The following ZNF705G variants were observed in gnomAD, a reference collection of about 807,000 sequenced individuals.
The protein encoded by ZNF705G is zinc finger protein 705G, also known as putative zinc finger protein 705G.
Under a neutral mutation model 19.6 loss-of-function variants are expected in ZNF705G, and 23 were observed. That is an observed-to-expected ratio of 1.17 (90% confidence interval 0.84 to 1.66). ZNF705G has a LOEUF of 1.66. Among genes scored for constraint, ZNF705G ranks in the 40% most tolerant of loss-of-function variants. The pLI, the probability that ZNF705G is intolerant of heterozygous loss-of-function variation, is 0.00. For synonymous variants in ZNF705G, 146 were observed against 117.7 expected (o/e 1.24, Z -1.56); for missense variants, 457 against 354.4 (o/e 1.29, Z -2.32).
chr8:7,363,378 G>A (rs1228995985), intron 2 of ZNF705G, among the ~76,000 whole-genome samples: 2 of 148,106 alleles, frequency 1.4e-5, no homozygotes, highest in African/African-American at 5.3e-5. Flanking sequence ...ATAAACACTG[G>A]GATTTCTCAG....
intron 2 of ZNF705G, among the ~76,000 whole-genome samples, chr8:7,364,819 A>T (rs1478030601): frequency 1.3e-5 from 2 of 149,584 alleles, no homozygotes; most frequent in African/African-American, 5.1e-5. Context: ...CCCTTCCATG[A>T]ATGTACCTGA....
chr8:7,384,843 C>T (rs1269379211), intron 1 of ZNF705G, among the ~76,000 whole-genome samples: 1 of 146,048 alleles, frequency 6.8e-6, no homozygotes, highest in Non-Finnish European at 1.5e-5. Context: ...TTCTTGAACA[C>T]CTATCACGTA....
At chr8:7,371,262 G>T (rs1807086322) in intron 2 of ZNF705G, among the ~76,000 whole-genome samples, 2 of 105,770 alleles carry the variant, frequency 1.9e-5, no homozygotes, top group Admixed American at 2.1e-4. Flanking sequence ...ATCTAAAATC[G>T]ACAAACTCAC....
intron 1 of ZNF705G, among the ~76,000 whole-genome samples, chr8:7,383,294 A>G (rs778002019): frequency 2.0e-5 from 3 of 147,686 alleles, no homozygotes; most frequent in Admixed American, 6.6e-5. Flanking sequence ...TAAACAGCAG[A>G]AAGTATACAC....
At chr8:7,364,915 T>C (rs1407601040) in intron 2 of ZNF705G, among the ~76,000 whole-genome samples, 1 of 149,494 alleles carries the variant, frequency 6.7e-6, no homozygotes, top group Non-Finnish European at 1.5e-5. Context: ...CTACAAAGCT[T>C]CAGTGAAACC....
In ZNF705G at chr8:7,369,481, C is replaced by G. The variant is rs546190106; in HGVS notation, c.-71-6464G>C. Among the ~76,000 whole-genome samples the G allele has an allele frequency of 2.0e-3, 297 of 149,630 alleles. 1 individual carries two copies. Among genetic ancestry groups the G allele is most frequent in the Middle Eastern group, 6.8e-3 (2 of 292 alleles). ...GAATGGTAGATCCACTGTCAGCTTG[C>G]ACCCTGAGCCTGGAAAAGCTGCAGG... On this transcript the variant is annotated intron_variant, in intron 2 of 6. Coordinates refer to ENST00000400156, the MANE Select transcript of ZNF705G (RefSeq NM_001164457.3).
In ZNF705G at chr8:7,360,266, C is replaced by T. The variant is rs760562097; in HGVS notation, c.206G>A (p.Gly69Glu). 6.3e-7 allele frequency: 1 copy of T among 1,592,182 alleles called. No homozygotes were observed. Among genetic ancestry groups the T allele is most frequent in the Non-Finnish European group, 8.5e-7 (1 of 1,179,174 alleles). Residue 69 changes from glycine (G) to glutamate (E), a missense_variant, in exon 5 of 7, where the codon GGA becomes GAA. Coordinates refer to ENST00000400156, the MANE Select transcript of ZNF705G (RefSeq NM_001164457.3). ...ATTCTGGTCTTGAAGAAATACTCTT[C>T]CTTCCCTCCACAGCTCTTTTCCTTG... ...LEQGKELWRE[G>E]RVFLQDQNPN...
At chr8:7,366,327 G>T (rs1228353966) in intron 2 of ZNF705G, among the ~76,000 whole-genome samples, 1 of 149,530 alleles carries the variant, frequency 6.7e-6, no homozygotes, top group Non-Finnish European at 1.5e-5. Flanking sequence ...GGTTTTATGT[G>T]TGAAAGCACC....
chr8:7,360,867 C>T (rs1193901607), intron 4 of ZNF705G, among the ~76,000 whole-genome samples: 7 of 149,174 alleles, frequency 4.7e-5, no homozygotes, highest in Admixed American at 2.6e-4. Context: ...AGACTGAGTA[C>T]CAAAGAAACC....
At chr8:7,381,070 C>T (rs529086966) in intron 2 of ZNF705G, among the ~76,000 whole-genome samples, 2,504 of 133,076 alleles carry the variant, frequency 0.019, 26 homozygotes, top group Middle Eastern at 0.026. Flanking sequence ...ACATCTTTGC[C>T]GTGATGTCTG....
At chr8:7,369,452 C>A (rs575121180) in intron 2 of ZNF705G, among the ~76,000 whole-genome samples, 1 of 149,376 alleles carries the variant, frequency 6.7e-6, no homozygotes, top group East Asian at 1.9e-4. Flanking sequence ...TCCTCCAGAC[C>A]CGAGAATGGT....
In ZNF705G at chr8:7,380,355, C is replaced by A. The variant is rs566100920; in HGVS notation, c.-72+1097G>T. ...GGGATCAACCCACACTGCTGTCTGT[C>A]ATTGGCACCTGTGCATGCCTTCTTG... On this transcript the variant is annotated intron_variant, in intron 2 of 6. Transcript: ENST00000400156. Among the ~76,000 whole-genome samples, 446 of 147,596 alleles carry A rather than the reference C, an allele frequency of 3.0e-3. 69 individuals carry two copies. The highest frequency in any genetic ancestry group is 0.012 in the African/African-American group (430 of 37,022).
Position 7,367,883 on chromosome 8 carries a change from G to T in ZNF705G, c.-71-4866C>A, listed in dbSNP as rs186255631. Among the ~76,000 whole-genome samples, 412 of 149,820 alleles carry T rather than the reference G, an allele frequency of 2.7e-3. 42 individuals are homozygous for T. Among genetic ancestry groups the T allele is most frequent in the African/African-American group, 0.01 (395 of 39,218 alleles). On this transcript the variant is annotated intron_variant, in intron 2 of 6. Coordinates refer to ENST00000400156, the MANE Select transcript of ZNF705G (RefSeq NM_001164457.3). Reference sequence around the variant, plus strand: ...CCAGTAACTGGAATCTCTTCTACTGGTAACAGTATCATTGTAAGGGAATGA... The same window carrying T: ...CCAGTAACTGGAATCTCTTCTACTGTTAACAGTATCATTGTAAGGGAATGA...
rs184292971 is a variant in ZNF705G at position 7,369,231 on chromosome 8, G to C, written c.-71-6214C>G. ...GAGTAAAATTTGAGGTGAGATTTGGGTGGGGACACAGAGCCAAACCATATC... is the reference window on the plus strand; with the variant it reads ...GAGTAAAATTTGAGGTGAGATTTGGCTGGGGACACAGAGCCAAACCATATC... On this transcript the variant is annotated intron_variant, in intron 2 of 6. Transcript: ENST00000400156. Among the ~76,000 whole-genome samples the C allele has an allele frequency of 4.2e-3, 628 of 149,452 alleles. 69 individuals are homozygous for C. Among genetic ancestry groups the C allele is most frequent in the African/African-American group, 0.015 (588 of 38,890 alleles).
chr8:7,380,254 T>C (rs1373055250), intron 2 of ZNF705G, among the ~76,000 whole-genome samples: 1 of 145,074 alleles, frequency 6.9e-6, no homozygotes, highest in Non-Finnish European at 1.5e-5. Context: ...CTGAGCACTA[T>C]TCCAGGGCCA....
At chr8:7,377,953 CAAA>C (rs1175739210) in intron 2 of ZNF705G, among the ~76,000 whole-genome samples, 222 of 52,976 alleles carry the variant, frequency 4.2e-3, no homozygotes, top group African/African-American at 0.028. Context: ...GACACTGTCT[CAAA>C]AAAAAAAAAA....
chr8:7,357,826 T>C lies in ZNF705G; in HGVS notation c.*150A>G. 8.2e-7 allele frequency: 1 copy of C among 1,214,242 alleles called. No individual in the cohort carries two copies. Among genetic ancestry groups the C allele is most frequent in the Non-Finnish European group, 1.1e-6 (1 of 898,526 alleles). 75.2% of individuals were successfully genotyped at this position (1,214,242 alleles called of 1,614,324 possible). A position where few individuals can be genotyped will look rare whatever the true frequency, so the allele number is the denominator to read the frequency against. ...TACCTTTGTCATTCCTAACACCGTG[T>C]CATCTAAAGTCAGAATATGTTCTGA... On this transcript the variant is annotated 3_prime_UTR_variant, in exon 7 of 7. Coordinates refer to ENST00000400156, the MANE Select transcript of ZNF705G (RefSeq NM_001164457.3).
chr8:7,379,015 T>G (rs1807367165), intron 2 of ZNF705G, among the ~76,000 whole-genome samples: 1 of 150,318 alleles, frequency 6.7e-6, no homozygotes, highest in African/African-American at 2.5e-5. Flanking sequence ...AGACACAACT[T>G]TAGTGGCTTT....
At position 7,357,886 on chromosome 8, in the gene ZNF705G, C is replaced by T. The variant is rs1344378703; in HGVS notation, c.*90G>A. 4 of 1,566,540 alleles carry T rather than the reference C, an allele frequency of 2.6e-6. 1 individual carries two copies. The African/African-American group carries it at 6.0e-5, about 23-fold the overall frequency. ...TAATTTTCTCTCCAGGGTGAATTTTCTGATGCTCTTTAAGATTAGTACATT... is the reference window on the plus strand; with the variant it reads ...TAATTTTCTCTCCAGGGTGAATTTTTTGATGCTCTTTAAGATTAGTACATT... On this transcript the variant is annotated 3_prime_UTR_variant, in exon 7 of 7. Transcript: ENST00000400156.
Sources: gnomAD v4.1 joint callset for allele counts (sites outside exome capture counted in the v4.1 genomes callset) on GRCh38, gnomAD v4.1.1 for gene constraint, MANE v1.5 for transcripts, NCBI Gene and HGNC (gene_info 2026-07-23, HGNC 2026-07-21) for gene names.